Variants in IPO9 observed in about 807,000 individuals in gnomAD.
IPO9 encodes the protein importin 9, also known as importin-9.
A neutral mutation model predicts 128.6 loss-of-function variants in IPO9; 28 were observed. The observed-to-expected ratio is 0.22, with a 90% confidence interval of 0.16 to 0.30. IPO9 has a LOEUF of 0.30. IPO9 is among the 10% of genes least tolerant of loss of function. The pLI, the probability that IPO9 is intolerant of heterozygous loss-of-function variation, is 1.00. For synonymous variants in IPO9, 455 were observed against 475.8 expected (o/e 0.96, Z 0.57); for missense variants, 935 against 1,293.9 (o/e 0.72, Z 4.26).
rs561117041 is a variant in IPO9, at chr1:201,870,515, A to G, written c.2134-68A>G. ...TAGGCCTCTGGGAACATTTGTTTAT[A>G]CAGACTGAGGGCCTTCTGGCATCTG... is the stretch of plus-strand genomic sequence containing the variant. On this transcript the variant is annotated intron_variant, in intron 17 of 23. Transcript: ENST00000361565. This position sits in a 1 kb window ranked among gnomAD's most constrained non-coding sequence, Gnocchi z 4.9. 3,070 of 1,541,126 alleles carry G rather than the reference A, an allele frequency of 2.0e-3. 2 individuals carry two copies. Among genetic ancestry groups the G allele is most frequent in the Non-Finnish European group, 2.5e-3 (2,836 of 1,139,894 alleles).
rs1203307433 is a variant in IPO9 at position 201,877,922 on chromosome 1, T to G, written c.*1868T>G. ...CTGGGCAACAAGAGGAGCGAAACTC[T>G]GTCTCAAAAAAAAAAAAGAGAAAGA... On this transcript the variant is annotated 3_prime_UTR_variant, in exon 24 of 24. Transcript: ENST00000361565. 2 of 150,534 alleles carry G rather than the reference T, an allele frequency of 1.3e-5. No homozygotes were observed. Among genetic ancestry groups the G allele is most frequent in the Admixed American group, 1.3e-4 (2 of 15,158 alleles). The allele number at this position is 150,534 out of a possible 1,614,324, so 9.3% of individuals were successfully genotyped here. A position where few individuals can be genotyped will look rare whatever the true frequency, so the allele number is the denominator to read the frequency against.
intron 9 of IPO9, among the ~76,000 whole-genome samples, chr1:201,855,497 C>T (rs1015630511): frequency 2.6e-5 from 4 of 152,230 alleles, no homozygotes; most frequent in South Asian, 2.1e-4. Flanking sequence ...ATGAATCTTT[C>T]GTTTCTGTTT....
At chr1:201,860,846 T>G (rs1315662000) in intron 13 of IPO9, among the ~76,000 whole-genome samples, 2 of 152,168 alleles carry the variant, frequency 1.3e-5, no homozygotes, top group African/African-American at 2.4e-5. Flanking sequence ...ATATAACCTC[T>G]GGAAAACTCC....
chr1:201,845,865 C>T (rs906699560), intron 1 of IPO9, among the ~76,000 whole-genome samples: 4 of 152,160 alleles, frequency 2.6e-5, no homozygotes, highest in Non-Finnish European at 5.9e-5. Flanking sequence ...AATTATGATG[C>T]ACTGTTGGTT....
intron 1 of IPO9, among the ~76,000 whole-genome samples, chr1:201,845,475 T>TG (rs1234048602): frequency 6.6e-6 from 1 of 152,220 alleles, no homozygotes; most frequent in Non-Finnish European, 1.5e-5. Flanking sequence ...ATGAGCCTAT[T>TG]GTGACCTATG....
intron 19 of IPO9, among the ~76,000 whole-genome samples, chr1:201,872,327 C>T (rs1680668228): frequency 6.6e-6 from 1 of 152,108 alleles, no homozygotes; most frequent in Non-Finnish European, 1.5e-5. Context: ...TATGGTGCAA[C>T]CTTAGCTTTG....
At position 201,829,226 on chromosome 1, in the gene IPO9, C is replaced by T. The variant is rs2102863533; in HGVS notation, c.17C>T (p.Ala6Val). The T allele has an allele frequency of 2.6e-6, 4 of 1,562,056 alleles. No homozygotes were observed. The highest frequency in any genetic ancestry group is 2.5e-5 in the East Asian group (1 of 39,348). The change falls in exon 1 of 24, where the codon GCA (alanine) becomes GTA (valine). Residue 6 changes from alanine (A) to valine (V), a missense_variant. Coordinates refer to ENST00000361565, the MANE Select transcript of IPO9 (RefSeq NM_018085.5). MAAAA[A>V]AGAASGLPGP... ...GGAGAAAAGATGGCGGCGGCGGCGG[C>T]AGCTGGTGCGGCCTCCGGGCTGCCG...
At chr1:201,847,677 G>C in intron 3 of IPO9, 39 bp downstream of exon 3, 1 of 1,384,340 alleles carries the variant, frequency 7.2e-7, no homozygotes, top group Non-Finnish European at 1.0e-6. Flanking sequence ...GAGGAGATTT[G>C]AGGGTCCATT....
intron 23 of IPO9, 145 bp downstream of exon 23, chr1:201,875,373 T>A: frequency 1.4e-6 from 1 of 731,110 alleles, no homozygotes; most frequent in Non-Finnish European, 2.4e-6. Context: ...GAGGATTGCT[T>A]AAGCCCAGGA....
chr1:201,879,710 AGTACT>A lies in IPO9; in HGVS notation c.*3659_*3663del, dbSNP rs1229725992. On this transcript the variant is annotated 3_prime_UTR_variant, in exon 24 of 24. Coordinates refer to ENST00000361565, the MANE Select transcript of IPO9 (RefSeq NM_018085.5). ...ATCTGTGCAGAGTTGAGGACTATAG[AGTACT>A]GTGCTGTCACTAACAGTATTGTGTG... 1 of 152,216 alleles carries A rather than the reference AGTACT, an allele frequency of 6.6e-6. No individual in the cohort carries two copies. Among genetic ancestry groups the A allele is most frequent in the African/African-American group, 2.4e-5 (1 of 41,450 alleles). 9.4% of individuals were successfully genotyped at this position (152,216 alleles called of 1,614,324 possible).
intron 1 of IPO9, 129 bp downstream of exon 1, chr1:201,829,501 G>A (rs551589616): frequency 1.0e-6 from 1 of 952,546 alleles, no homozygotes; most frequent in Non-Finnish European, 1.4e-6. Flanking sequence ...GGAGCAGGAA[G>A]CGAGAGATTG....
At chr1:201,872,590 T>A (rs1680674260) in intron 19 of IPO9, among the ~76,000 whole-genome samples, 1 of 151,110 alleles carries the variant, frequency 6.6e-6, no homozygotes, top group Admixed American at 6.6e-5. Flanking sequence ...GGTGACAGAA[T>A]GAGACCCTAT....
chr1:201,867,034 T>G (rs1680566565), intron 15 of IPO9, 75 bp downstream of exon 15: 2 of 1,228,900 alleles, frequency 1.6e-6, no homozygotes, highest in African/African-American at 3.0e-5. Context: ...AATGAAAGAT[T>G]CCCTAGGTCT....
chr1:201,844,749 C>T (rs1007680207), intron 1 of IPO9, among the ~76,000 whole-genome samples: 11 of 152,162 alleles, frequency 7.2e-5, no homozygotes, highest in African/African-American at 2.4e-4. Context: ...GAACCTGAAA[C>T]ATTGCATGTA....
At chr1:201,829,438 C>T (rs1679786836) in intron 1 of IPO9, 66 bp downstream of exon 1, 4 of 1,427,672 alleles carry the variant, frequency 2.8e-6, no homozygotes, top group South Asian at 1.5e-5. Flanking sequence ...AGCTCCGTAC[C>T]GGCTGGGGAC....
At position 201,876,223 on chromosome 1, in the gene IPO9, C is replaced by A. The variant is rs779770763; in HGVS notation, c.*169C>A. 1 of 723,310 alleles carries A rather than the reference C, an allele frequency of 1.4e-6. No homozygotes were observed. The highest frequency in any genetic ancestry group is 2.0e-5 in the Admixed American group (1 of 50,620). 44.8% of individuals were successfully genotyped at this position (723,310 alleles called of 1,614,324 possible). A position where few individuals can be genotyped will look rare whatever the true frequency, so the allele number is the denominator to read the frequency against. The stretch of plus-strand genomic sequence containing the variant: ...CAATTCAGACCAGGCTCACCGGTGC[C>A]GTCACTTAGGAATGCTGGAACAAAG... On this transcript the variant is annotated 3_prime_UTR_variant, in exon 24 of 24. Transcript: ENST00000361565.
In IPO9 at chr1:201,876,316, C is replaced by A. The variant is rs1379234052; in HGVS notation, c.*262C>A. The A allele has an allele frequency of 5.2e-6, 3 of 580,232 alleles. No individual in the cohort carries two copies. The Admixed American group carries it at 7.3e-5, about 14-fold the overall frequency. The allele number at this position is 580,232 out of a possible 1,614,324, so 35.9% of individuals were successfully genotyped here. Reference sequence around the variant, plus strand: ...CCTTTTTTCTCCCCGACTCTACCCCCACCTCTGTTCCTAGAGCCCTCTGCT... The same window carrying A: ...CCTTTTTTCTCCCCGACTCTACCCCAACCTCTGTTCCTAGAGCCCTCTGCT... On this transcript the variant is annotated 3_prime_UTR_variant, in exon 24 of 24. Coordinates refer to ENST00000361565, the MANE Select transcript of IPO9 (RefSeq NM_018085.5).
intron 17 of IPO9, among the ~76,000 whole-genome samples, chr1:201,869,952 G>T (rs918708630): frequency 2.6e-5 from 4 of 152,160 alleles, no homozygotes; most frequent in African/African-American, 9.7e-5. Context: ...ATCTGTATTG[G>T]GTATTGCTAC....
intron 4 of IPO9, among the ~76,000 whole-genome samples, 160 bp downstream of exon 4, chr1:201,848,754 GT>G (rs944589063): frequency 4.6e-5 from 7 of 152,036 alleles, no homozygotes; most frequent in African/African-American, 1.7e-4. Flanking sequence ...CAGCTCTATT[GT>G]TTTTTTCTAG....
Sources: gnomAD v4.1 joint callset for allele counts (sites outside exome capture counted in the v4.1 genomes callset) on GRCh38, gnomAD v4.1.1 for gene constraint, Gnocchi (gnomAD v3.1) non-coding constraint, MANE v1.5 for transcripts, NCBI Gene and HGNC (gene_info 2026-07-23, HGNC 2026-07-21) for gene names.